Variants in NDUFAF7 observed in about 807,000 individuals in gnomAD.
NDUFAF7 encodes the protein protein arginine methyltransferase NDUFAF7, mitochondrial.
A neutral mutation model predicts 47.2 loss-of-function variants in NDUFAF7; 48 were observed. That is an observed-to-expected ratio of 1.02 (90% CI 0.81 to 1.29). The LOEUF is 1.29. NDUFAF7 is among the 50% of genes most tolerant of loss of function. The pLI is 0.00. For synonymous variants in NDUFAF7, 217 were observed against 190.0 expected, an observed-to-expected ratio of 1.14 and a Z score of -1.17; for missense variants, 635 against 537.6, an observed-to-expected ratio of 1.18 and a Z score of -1.79.
chr2:37,241,610 T>C lies in NDUFAF7; in HGVS notation c.441T>C (p.Asn147=). 1 of 1,613,842 alleles carries C rather than the reference T, an allele frequency of 6.2e-7. No individual in the cohort carries two copies. Among genetic ancestry groups the C allele is most frequent in the Non-Finnish European group, 8.5e-7 (1 of 1,179,938 alleles). Residue 147 remains asparagine (N), a synonymous_variant, in exon 5 of 10, where the codon AAT becomes AAC. Transcript: ENST00000002125. The part of the protein sequence containing the change: ...VFTQLGSVLK[N]CDISVHLVEV... ...CTCAACTTGGATCTGTGCTGAAAAA[T>C]TGTGACATTTCAGTACATCTGGTAG... is the stretch of plus-strand genomic sequence containing the variant.
chr2:37,247,728 A>G (rs1667083696), intron 9 of NDUFAF7, 99 bp downstream of exon 9: 8 of 1,392,216 alleles, frequency 5.7e-6, no homozygotes, highest in Non-Finnish European at 8.1e-6. Context: ...TCTTGTAGTT[A>G]GCCAATCCTT....
At chr2:37,242,755 G>A (rs1666487540) in intron 6 of NDUFAF7, 62 bp downstream of exon 6, 1 of 1,278,132 alleles carries the variant, frequency 7.8e-7, no homozygotes, top group African/African-American at 1.5e-5. Context: ...TGTTGCCAAT[G>A]TTTATGGTAT....
intron 9 of NDUFAF7, 87 bp from the exon 10 acceptor site, chr2:37,248,048 G>C: frequency 9.3e-7 from 1 of 1,070,966 alleles, no homozygotes; most frequent in East Asian, 2.6e-5. Flanking sequence ...CTGTTTTATT[G>C]GAATATTTGA....
intron 3 of NDUFAF7, among the ~76,000 whole-genome samples, chr2:37,237,039 C>T (rs1214007300): frequency 1.3e-5 from 2 of 152,072 alleles, no homozygotes; most frequent in African/African-American, 2.4e-5. Context: ...GGCGCAATCT[C>T]GGCTCACTGT....
At chr2:37,261,113 C>T in the NDUFAF7 span, among the ~76,000 whole-genome samples, 1 of 152,186 alleles carries the variant, frequency 6.6e-6, no homozygotes, top group Non-Finnish European at 1.5e-5. Context: ...TCTTCAATAA[C>T]CTGGTTTCAG....
chr2:37,260,293 A>G, the NDUFAF7 span: 5 of 1,609,658 alleles, frequency 3.1e-6, no homozygotes, highest in Non-Finnish European at 4.3e-6. Context: ...CATTTCCAAC[A>G]TATCTCCATG....
the NDUFAF7 span, among the ~76,000 whole-genome samples, chr2:37,266,766 G>A: frequency 6.6e-6 from 1 of 152,062 alleles, no homozygotes; most frequent in Non-Finnish European, 1.5e-5. Flanking sequence ...GGGATTATAG[G>A]TGCGCACCAC....
chr2:37,244,508 T>C (rs1243408538), intron 7 of NDUFAF7, among the ~76,000 whole-genome samples: 1 of 152,224 alleles, frequency 6.6e-6, no homozygotes, highest in African/African-American at 2.4e-5. Context: ...GAATTACTAC[T>C]GCTTTCTGTT....
At position 37,248,251 on chromosome 2, in the gene NDUFAF7, T is replaced by A; in HGVS notation, c.1227T>A (p.Pro409=). The A allele has an allele frequency of 1.9e-6, 3 of 1,614,066 alleles. No homozygotes were observed. Among genetic ancestry groups the A allele is most frequent in the Non-Finnish European group, 2.5e-6 (3 of 1,179,926 alleles). ...GATTTAACTTTTTTGCCTTGCTACCTCATCAGAGACTTCAAGGTGGAAGAT... is the reference window on the plus strand; with the variant it reads ...GATTTAACTTTTTTGCCTTGCTACCACATCAGAGACTTCAAGGTGGAAGAT... The part of the protein sequence containing the change: ...GERFNFFALL[P]HQRLQGGRYQ... Residue 409 remains proline, a synonymous_variant, in exon 10 of 10, where the codon CCT becomes CCA. Transcript: ENST00000002125.
downstream of NDUFAF7, among the ~76,000 whole-genome samples, chr2:37,253,563 T>G (rs1056546301): frequency 3.3e-5 from 5 of 152,160 alleles, no homozygotes; most frequent in African/African-American, 1.2e-4. Flanking sequence ...CTCCAATGAA[T>G]GAACGTAACT....
chr2:37,265,109 G>C, the NDUFAF7 span, among the ~76,000 whole-genome samples: 1 of 152,006 alleles, frequency 6.6e-6, no homozygotes, highest in Non-Finnish European at 1.5e-5. Context: ...TCAACAGCAG[G>C]ATGAACTACA....
the NDUFAF7 span, among the ~76,000 whole-genome samples, chr2:37,259,001 A>G: frequency 6.6e-6 from 1 of 151,946 alleles, no homozygotes; most frequent in Admixed American, 6.6e-5. Context: ...TTGGGTTATG[A>G]TCCATTTCAT....
At position 37,248,247 on chromosome 2, in the gene NDUFAF7, T is replaced by C; in HGVS notation, c.1223T>C (p.Leu408Pro). Residue 408 changes from leucine (L) to proline (P), a missense_variant, in exon 10 of 10, where the codon CTA becomes CCA. Coordinates refer to ENST00000002125, the MANE Select transcript of NDUFAF7 (RefSeq NM_144736.5). ...MGERFNFFALLPHQRLQGGRY... is the reference protein window; with the variant it reads ...MGERFNFFALPPHQRLQGGRY... ...GAGAGATTTAACTTTTTTGCCTTGC[T>C]ACCTCATCAGAGACTTCAAGGTGGA... 1 of 1,614,012 alleles carries C rather than the reference T, an allele frequency of 6.2e-7. No homozygotes were observed. Among genetic ancestry groups the C allele is most frequent in the Non-Finnish European group, 8.5e-7 (1 of 1,179,862 alleles).
At chr2:37,260,487 T>A in the NDUFAF7 span, 1 of 1,053,830 alleles carries the variant, frequency 9.5e-7, no homozygotes, top group South Asian at 1.4e-5. Flanking sequence ...AAAGAAAGCC[T>A]AGAGAAGTAA....
the NDUFAF7 span, among the ~76,000 whole-genome samples, chr2:37,264,526 T>TGGGGGGGGGGGGGGGGG: frequency 1.1e-4 from 1 of 9,434 alleles, no homozygotes; most frequent in South Asian, 3.3e-3. Context: ...AGTGGAGGGG[T>TGGGGGGGGGGGGGGGGG]GGGAGGGTGG....
chr2:37,262,036 A>G, the NDUFAF7 span, among the ~76,000 whole-genome samples: 1 of 152,242 alleles, frequency 6.6e-6, no homozygotes, highest in African/African-American at 2.4e-5. Flanking sequence ...GGTAGGCTAC[A>G]CGGGGCTAAG....
At chr2:37,246,339 C>T in intron 8 of NDUFAF7, 144 bp downstream of exon 8, 1 of 1,006,618 alleles carries the variant, frequency 9.9e-7, no homozygotes, top group Non-Finnish European at 1.5e-6. Context: ...TGTAATTCCC[C>T]TTAACCCTAG....
chr2:37,256,640 T>A (rs767608885), downstream of NDUFAF7: 552 of 1,359,386 alleles, frequency 4.1e-4, no homozygotes, highest in South Asian at 1.6e-3. Flanking sequence ...TTTTTTTTTT[T>A]TTTTTTTTTT....
chr2:37,241,484 C>T (rs1048853523), intron 4 of NDUFAF7, 94 bp from the exon 5 acceptor site: 1 of 1,044,248 alleles, frequency 9.6e-7, no homozygotes, highest in Non-Finnish European at 1.4e-6. Context: ...AATATTACCT[C>T]TATTGTGACA....
Sources: gnomAD v4.1 joint callset for allele counts (sites outside exome capture counted in the v4.1 genomes callset) on GRCh38, gnomAD v4.1.1 for gene constraint, MANE v1.5 for transcripts, NCBI Gene and HGNC (gene_info 2026-07-23, HGNC 2026-07-21) for gene names.